RNF17: variants seen among roughly 807,000 people sequenced by gnomAD.
RNF17 encodes the protein ring finger protein 17, also known as spermatogenesis associated 23.
A neutral mutation model predicts 200.5 loss-of-function variants in RNF17; 31 were observed. The ratio of observed to expected loss-of-function variants is 0.15; its 90% CI spans 0.12 to 0.21. The LOEUF (loss-of-function observed/expected upper bound fraction) is 0.21, where lower values mean the gene tolerates loss of function less well. Ranked by LOEUF, RNF17 falls within the 10% of genes least tolerant of loss-of-function variation. The probability of loss-of-function intolerance (pLI) is 1.00; values close to 1 mark genes in which losing one functional copy is unlikely to be tolerated. For synonymous variants in RNF17, 606 were observed against 637.8 expected, an observed-to-expected ratio of 0.95 and a Z score of 0.75; for missense variants, 1,628 against 1,905.1, an observed-to-expected ratio of 0.85 and a Z score of 2.71.
At chr13:24,762,904 C>T (rs573118573), upstream of RNF17, among the ~76,000 whole-genome samples, 1 of 152,316 alleles carries the variant, frequency 6.6e-6, no homozygotes, top group South Asian at 2.1e-4. Flanking sequence ...TCTTCCCTGA[C>T]ACACCTCTCC....
rs748890257 is a variant in RNF17, at chr13:24,802,411, G to C, written c.1789G>C (p.Glu597Gln). 1 of 1,613,058 alleles carries C rather than the reference G, an allele frequency of 6.2e-7. No homozygotes were observed. Among genetic ancestry groups the C allele is most frequent in the Non-Finnish European group, 8.5e-7 (1 of 1,179,714 alleles). The change falls in exon 14 of 36, where the codon GAA becomes CAA. Residue 597 changes from glutamate (E) to glutamine (Q), a missense_variant. Physicochemically the swap from Glu to Gln is conservative, Grantham distance 29. Coordinates refer to ENST00000255324, the MANE Select transcript of RNF17 (RefSeq NM_031277.3). ...NEGWEEEAKV[E>Q]FLKMVNNKAV... ...AGGCTGGGAAGAGGAAGCTAAAGTG[G>C]AATTTTTGAAAATGGTAAATAACAA...
intron 27 of RNF17, 133 bp from the exon 28 acceptor site, chr13:24,862,580 C>CT (rs1388653448): frequency 1.8e-5 from 11 of 599,352 alleles, no homozygotes; most frequent in Non-Finnish European, 1.6e-5. Context: ...ATGATATTCT[C>CT]TGAGAACTGC....
chr13:24,884,126 G>A (rs202127258), downstream of RNF17: 100 of 1,589,936 alleles, frequency 6.3e-5, no homozygotes, highest in Non-Finnish European at 1.0e-5. Context: ...TGAAGGAAGG[G>A]AAGAATTTAA....
intron 1 of RNF17, among the ~76,000 whole-genome samples, chr13:24,765,176 C>T (rs1402807752): frequency 2.0e-5 from 3 of 152,064 alleles, no homozygotes; most frequent in Non-Finnish European, 4.4e-5. Context: ...CCACCACGCC[C>T]GGCTAATTTT....
At chr13:24,752,014 T>C in the RNF17 span, 1 of 152,266 alleles carries the variant, frequency 6.6e-6, no homozygotes, top group Admixed American at 6.5e-5. Flanking sequence ...AATTCCAGCA[T>C]TTGCTGTCTT....
intron 22 of RNF17, among the ~76,000 whole-genome samples, chr13:24,846,269 T>C (rs1231073365): frequency 1.3e-5 from 2 of 152,204 alleles, no homozygotes; most frequent in African/African-American, 4.8e-5. Context: ...CGAACTAATA[T>C]GCACTTGGCC....
intron 2 of RNF17, among the ~76,000 whole-genome samples, chr13:24,772,715 A>G (rs1042429787): frequency 5.3e-5 from 8 of 151,358 alleles, no homozygotes; most frequent in African/African-American, 1.9e-4. Flanking sequence ...GGTTCACGCC[A>G]TTCTCCTGCC....
chr13:24,749,291 TTTTC>T, the RNF17 span, among the ~76,000 whole-genome samples: 1 of 99,718 alleles, frequency 1.0e-5, no homozygotes, highest in Non-Finnish European at 2.0e-5. Flanking sequence ...GAACTTTCTT[TTTTC>T]TTTCTTTCTT....
chr13:24,873,673 A>G (rs1894538446), intron 32 of RNF17, among the ~76,000 whole-genome samples: 2 of 152,148 alleles, frequency 1.3e-5, no homozygotes, highest in African/African-American at 4.8e-5. Context: ...GTTTGTACCT[A>G]TCAACCAACC....
At chr13:24,776,039 G>T (rs1269059094) in intron 3 of RNF17, among the ~76,000 whole-genome samples, 1 of 152,134 alleles carries the variant, frequency 6.6e-6, no homozygotes, top group Non-Finnish European at 1.5e-5. Context: ...ATGGTAAGTA[G>T]ACTATGCAAG....
At chr13:24,759,745 A>C (rs574182030), upstream of RNF17, among the ~76,000 whole-genome samples, 2 of 152,320 alleles carry the variant, frequency 1.3e-5, no homozygotes, top group Admixed American at 1.3e-4. Context: ...AGAGGGAGAG[A>C]TAAGAATTTC....
intron 6 of RNF17, among the ~76,000 whole-genome samples, chr13:24,783,736 G>T (rs1332143660): frequency 6.6e-6 from 1 of 152,010 alleles, no homozygotes; most frequent in East Asian, 1.9e-4. Flanking sequence ...TTTGCTGAAT[G>T]CATTTATTAG....
At chr13:24,819,324 T>C (rs1161965465) in intron 15 of RNF17, among the ~76,000 whole-genome samples, 1 of 152,200 alleles carries the variant, frequency 6.6e-6, no homozygotes, top group Non-Finnish European at 1.5e-5. Flanking sequence ...TATAATAATG[T>C]CCTAAAGATT....
At position 24,767,296 on chromosome 13, in the gene RNF17, GACATGCTTTTTGTGA is replaced by G; in HGVS notation, c.158_172del (p.His53_Glu57del). The G allele has an allele frequency of 6.2e-7, 1 of 1,610,482 alleles. No homozygotes were observed. Among genetic ancestry groups the G allele is most frequent in the Middle Eastern group, 1.7e-4 (1 of 6,060 alleles). ...GGTCACCATTGTGAACTTCAATGTG[GACATGCTTTTTGTGA>G]ACTATGCTTGTTAATGACTGAAGAA... On this transcript the variant is annotated inframe_deletion, in exon 2 of 36. Coordinates refer to ENST00000255324, the MANE Select transcript of RNF17 (RefSeq NM_031277.3).
In RNF17 at chr13:24,825,768, T is replaced by A; in HGVS notation, c.2241T>A (p.Val747=). The A allele has an allele frequency of 6.2e-7, 1 of 1,612,264 alleles. No individual in the cohort carries two copies. Among genetic ancestry groups the A allele is most frequent in the Non-Finnish European group, 8.5e-7 (1 of 1,179,068 alleles). ...ATGGAATTTGGTACCGAGCAAAAGT[T>A]ATCGGTAGGAGAATGCATGCTGTTT... ...FEDGIWYRAK[V]IGLPGHQEVE... The change falls in exon 16 of 36, where the codon GTT becomes GTA. Residue 747 remains valine (V), a synonymous_variant. Coordinates refer to ENST00000255324, the MANE Select transcript of RNF17 (RefSeq NM_031277.3).
chr13:24,768,414 A>G (rs1346977859), intron 2 of RNF17, among the ~76,000 whole-genome samples: 1 of 151,528 alleles, frequency 6.6e-6, no homozygotes, highest in Admixed American at 6.6e-5. Flanking sequence ...CCTCCCAAGT[A>G]GCTGGGACTG....
At chr13:24,821,832 CAT>C (rs113224357) in intron 15 of RNF17, among the ~76,000 whole-genome samples, 2,965 of 152,150 alleles carry the variant, frequency 0.019, 96 homozygotes, top group African/African-American at 0.067. Flanking sequence ...TCTGGTTGCA[CAT>C]GTCTGCATAA....
At position 24,828,316 on chromosome 13, in the gene RNF17, C is replaced by A. The variant is rs115279553; in HGVS notation, c.2246-2168C>A. On this transcript the variant is annotated intron_variant, in intron 16 of 35. Transcript: ENST00000255324. ...TGTGTGATTTGTCTGGCCCATTTTCCTGTATCTTCTGTGGTCCTGTTGAAC... is the reference window on the plus strand; with the variant it reads ...TGTGTGATTTGTCTGGCCCATTTTCATGTATCTTCTGTGGTCCTGTTGAAC... Among the ~76,000 whole-genome samples, 1,137 of 152,180 alleles carry A rather than the reference C, an allele frequency of 7.5e-3. 15 individuals are homozygous for A. Among genetic ancestry groups the A allele is most frequent in the African/African-American group, 0.025 (1,050 of 41,518 alleles).
chr13:24,799,276 A>C, intron 11 of RNF17, 119 bp from the exon 12 acceptor site: 1 of 744,002 alleles, frequency 1.3e-6, no homozygotes, highest in Non-Finnish European at 2.3e-6. Context: ...ACACAGTGCT[A>C]TATCATCATT....
Sources: allele counts gnomAD v4.1 joint callset (sites outside exome capture counted in the v4.1 genomes callset), GRCh38; gene constraint gnomAD v4.1.1; transcripts MANE v1.5; gene names NCBI Gene and HGNC (gene_info 2026-07-23, HGNC 2026-07-21).